The following CFAP61 variants were observed in gnomAD, a reference collection of about 807,000 sequenced individuals.
CFAP61 encodes cilia- and flagella-associated protein 61.
A neutral mutation model predicts 135.6 loss-of-function variants in CFAP61; 107 were observed. The observed-to-expected ratio is 0.79, with a 90% CI of 0.67 to 0.93. The LOEUF (loss-of-function observed/expected upper bound fraction) is 0.93. Among genes scored for constraint, CFAP61 ranks in the 40% least tolerant of loss-of-function variants. CFAP61 has a pLI of 0.00. For missense variants in CFAP61, 1,507 were observed against 1,556.2 expected (o/e 0.97, Z 0.53); for synonymous variants, 575 against 578.5 (o/e 0.99, Z 0.09).
At chr20:20,318,820 C>T (rs2057283943) in intron 25 of CFAP61, among the ~76,000 whole-genome samples, 1 of 152,186 alleles carries the variant, frequency 6.6e-6, no homozygotes, top group Non-Finnish European at 1.5e-5. Flanking sequence ...CCTGGGCAGA[C>T]AAAAAGCTTT....
chr20:20,111,262 T>C (rs1322949142), intron 8 of CFAP61, among the ~76,000 whole-genome samples: 3 of 152,200 alleles, frequency 2.0e-5, no homozygotes, highest in Non-Finnish European at 4.4e-5. Context: ...GAACTGAGAT[T>C]AGGAATCTCA....
At chr20:20,189,302 C>CCTTCCCTCCTGGCCCT (rs2055742203) in intron 14 of CFAP61, among the ~76,000 whole-genome samples, 1 of 152,090 alleles carries the variant, frequency 6.6e-6, no homozygotes, top group South Asian at 2.1e-4. Context: ...ATTTTTTGCT[C>CCTTCCCTCCTGGCCCT]CTTCCCTCCT....
In CFAP61 at chr20:20,136,890, G is replaced by T. The variant is rs150747218; in HGVS notation, c.860-5967G>T. 7.2e-4 allele frequency among the ~76,000 whole-genome samples: 109 copies of T among 152,314 alleles called. 1 individual carries two copies. The highest frequency in any genetic ancestry group is 2.5e-3 in the African/African-American group (103 of 41,566). On this transcript the variant is annotated intron_variant, in intron 8 of 26. Transcript: ENST00000245957. ...TGTTTGTACTTTTCCTTCTTGGGAA[G>T]GCTTTCCAGGTATTCAAAGGAACTT...
chr20:20,081,767 G>A (rs1285319313), intron 6 of CFAP61, among the ~76,000 whole-genome samples: 1 of 151,628 alleles, frequency 6.6e-6, no homozygotes, highest in Non-Finnish European at 1.5e-5. Flanking sequence ...TTAACCTGAG[G>A]TCTTGCACAT....
chr20:20,154,809 T>C (rs1248279827), intron 9 of CFAP61, among the ~76,000 whole-genome samples: 1 of 152,184 alleles, frequency 6.6e-6, no homozygotes, highest in Non-Finnish European at 1.5e-5. Flanking sequence ...CCCATGCTCA[T>C]GGATGGGTAG....
At chr20:20,209,930 C>A (rs2047514221) in intron 17 of CFAP61, among the ~76,000 whole-genome samples, 1 of 152,114 alleles carries the variant, frequency 6.6e-6, no homozygotes, top group Non-Finnish European at 1.5e-5. Context: ...GGCATCCAGG[C>A]CCCCGCAGCC....
At chr20:20,086,832 A>G (rs6035547) in intron 6 of CFAP61, among the ~76,000 whole-genome samples, 7,357 of 152,230 alleles carry the variant, frequency 0.048, 564 homozygotes, top group African/African-American at 0.16. Flanking sequence ...ACTGGACAAT[A>G]TATATCCAGT....
chr20:20,247,110 G>T (rs1003276391), intron 19 of CFAP61, among the ~76,000 whole-genome samples: 3 of 152,168 alleles, frequency 2.0e-5, no homozygotes, highest in African/African-American at 7.2e-5. Flanking sequence ...TCTGAGCTTT[G>T]CTTTTTTTGA....
chr20:20,271,167 G>A (rs912836806), intron 21 of CFAP61, among the ~76,000 whole-genome samples: 2 of 152,040 alleles, frequency 1.3e-5, no homozygotes, highest in African/African-American at 2.4e-5. Flanking sequence ...ATAGTGGCAC[G>A]TGGCTGTAGT....
intron 8 of CFAP61, among the ~76,000 whole-genome samples, chr20:20,142,573 C>T (rs1388310069): frequency 2.6e-5 from 4 of 152,202 alleles, no homozygotes; most frequent in Admixed American, 1.3e-4. Context: ...GGGCCAGGTC[C>T]GTTGCCCATC....
At chr20:20,304,272 C>G (rs956464370) in intron 25 of CFAP61, among the ~76,000 whole-genome samples, 3 of 103,156 alleles carry the variant, frequency 2.9e-5, no homozygotes, top group South Asian at 3.9e-4. Context: ...CCATCGGTGA[C>G]TGTGTGTGTG....
chr20:20,214,075 G>A (rs1254897191), intron 17 of CFAP61, among the ~76,000 whole-genome samples: 1 of 152,164 alleles, frequency 6.6e-6, no homozygotes, highest in Non-Finnish European at 1.5e-5. Context: ...GAAGATGTAA[G>A]GTAGCAGCTA....
At chr20:20,054,226 G>A (rs997501248) in intron 1 of CFAP61, among the ~76,000 whole-genome samples, 5 of 151,486 alleles carry the variant, frequency 3.3e-5, no homozygotes, top group Admixed American at 2.6e-4. Context: ...GTATGAAATT[G>A]TCTTTATTTT....
At chr20:20,103,416 G>A (rs1270577923) in intron 8 of CFAP61, among the ~76,000 whole-genome samples, 1 of 152,144 alleles carries the variant, frequency 6.6e-6, no homozygotes, top group Non-Finnish European at 1.5e-5. Flanking sequence ...TTCTAAGGAT[G>A]TAAATTTTGT....
intron 1 of CFAP61, among the ~76,000 whole-genome samples, chr20:20,053,526 A>G (rs2043947550): frequency 6.6e-6 from 1 of 152,216 alleles, no homozygotes; most frequent in South Asian, 2.1e-4. Flanking sequence ...TTGGCAGCTC[A>G]TTTGTTAGGA....
At chr20:20,269,188 C>CGT (rs1555941696) in intron 21 of CFAP61, among the ~76,000 whole-genome samples, 1 of 131,142 alleles carries the variant, frequency 7.6e-6, no homozygotes, top group Non-Finnish European at 1.6e-5. Flanking sequence ...TATACACACA[C>CGT]ATATATACAT....
intron 21 of CFAP61, among the ~76,000 whole-genome samples, chr20:20,269,140 TATATATACACAC>T: frequency 2.3e-5 from 2 of 86,408 alleles, no homozygotes; most frequent in African/African-American, 7.5e-5. Context: ...TATATATATA[TATATATACACAC>T]ACACACACAC....
chr20:20,329,860 C>T (rs576930912), intron 25 of CFAP61, among the ~76,000 whole-genome samples: 1 of 152,254 alleles, frequency 6.6e-6, no homozygotes, highest in African/African-American at 2.4e-5. Context: ...CTGTACGCAG[C>T]GCCTGTAAGT....
intron 18 of CFAP61, among the ~76,000 whole-genome samples, chr20:20,242,140 A>G (rs1390560743): frequency 6.6e-6 from 1 of 152,254 alleles, no homozygotes; most frequent in Non-Finnish European, 1.5e-5. Flanking sequence ...ACAGATTGTC[A>G]GTAAATTGAT....
Sources: allele counts gnomAD v4.1 joint callset (sites outside exome capture counted in the v4.1 genomes callset), GRCh38; gene constraint gnomAD v4.1.1; transcripts MANE v1.5; gene names NCBI Gene and HGNC (gene_info 2026-07-23, HGNC 2026-07-21).